CACNA2D3: variants seen among roughly 807,000 people sequenced by gnomAD.
The protein encoded by CACNA2D3 is voltage-dependent calcium channel subunit alpha-2/delta-3.
In CACNA2D3, 60 loss-of-function variants were observed where a neutral mutation model predicts 160.6. The ratio of observed to expected loss-of-function variants is 0.37; its 90% CI spans 0.30 to 0.46. The LOEUF (loss-of-function observed/expected upper bound fraction) is 0.46. Among genes scored for constraint, CACNA2D3 ranks in the 20% least tolerant of loss-of-function variants. The pLI, the probability that CACNA2D3 is intolerant of heterozygous loss-of-function variation, is 1.00. For missense variants in CACNA2D3, 1,205 were observed against 1,365.0 expected, an observed-to-expected ratio of 0.88 and a Z score of 1.85; for synonymous variants, 558 against 492.9, an observed-to-expected ratio of 1.13 and a Z score of -1.75.
chr3:54,503,562 A>C lies in CACNA2D3; in HGVS notation c.452A>C (p.Glu151Ala). The C allele has an allele frequency of 6.2e-7, 1 of 1,613,606 alleles. No homozygotes were observed. The highest frequency in any genetic ancestry group is 8.5e-7 in the Non-Finnish European group (1 of 1,179,532). The change falls in exon 5 of 38, where the codon GAA becomes GCA. Residue 151 changes from glutamate (E) to alanine (A), a missense_variant. Coordinates refer to ENST00000474759, the MANE Select transcript of CACNA2D3 (RefSeq NM_018398.3). ...GGGAATTTTTTGGAGCTGGGAAAGG[A>C]ATTCATCTTAGCCCCAAATGACCAT... Reference protein sequence around the residue: ...KDGNFLELGKEFILAPNDHFN... With the variant: ...KDGNFLELGKAFILAPNDHFN...
chr3:54,541,518 T>C (rs1701978712), intron 5 of CACNA2D3, among the ~76,000 whole-genome samples: 1 of 152,138 alleles, frequency 6.6e-6, no homozygotes, highest in African/African-American at 2.4e-5. Context: ...TCCAGGCTTC[T>C]GGCCTCCAGA....
chr3:54,153,513 GA>G (rs1700188079), intron 2 of CACNA2D3, among the ~76,000 whole-genome samples: 1 of 152,338 alleles, frequency 6.6e-6, no homozygotes, highest in South Asian at 2.1e-4. Flanking sequence ...TATTGTTTAT[GA>G]AGGTTGAAAA....
intron 14 of CACNA2D3, among the ~76,000 whole-genome samples, chr3:54,827,720 C>T (rs547223381): frequency 1.8e-4 from 27 of 152,238 alleles, no homozygotes; most frequent in African/African-American, 6.3e-4. Flanking sequence ...AGCACTAGCC[C>T]CAGAGTCTTG....
chr3:54,594,386 C>T (rs974236202), intron 9 of CACNA2D3, among the ~76,000 whole-genome samples: 7 of 152,128 alleles, frequency 4.6e-5, no homozygotes, highest in African/African-American at 1.7e-4. Context: ...TTTCCAATCC[C>T]TGGTCTAGAC....
At chr3:54,453,465 G>A (rs1252637521) in intron 4 of CACNA2D3, among the ~76,000 whole-genome samples, 1 of 151,970 alleles carries the variant, frequency 6.6e-6, no homozygotes, top group Non-Finnish European at 1.5e-5. Context: ...AATTCGACCT[G>A]AAACACCATC....
intron 4 of CACNA2D3, among the ~76,000 whole-genome samples, chr3:54,458,793 T>G (rs1276035538): frequency 7.4e-5 from 2 of 26,898 alleles, no homozygotes; most frequent in Non-Finnish European, 1.5e-4. Context: ...TATTATACTC[T>G]TAAGTTTTAG....
Position 55,074,263 on chromosome 3 carries a change from G to A in CACNA2D3, c.*57G>A. ...ATGTTCTCTTGGCATGCTAAATCATGGATAAACTGTGAACCAAAATATGGT... is the reference window on the plus strand; with the variant it reads ...ATGTTCTCTTGGCATGCTAAATCATAGATAAACTGTGAACCAAAATATGGT... On this transcript the variant is annotated 3_prime_UTR_variant, in exon 38 of 38. Transcript: ENST00000474759. The A allele has an allele frequency of 7.0e-7, 1 of 1,435,160 alleles. No individual in the cohort carries two copies. The highest frequency in any genetic ancestry group is 2.3e-5 in the East Asian group (1 of 44,084). The allele number at this position is 1,435,160 out of a possible 1,614,324, so 88.9% of individuals were successfully genotyped here.
At chr3:55,023,342 AT>A (rs1703500403) in intron 35 of CACNA2D3, among the ~76,000 whole-genome samples, 1 of 152,164 alleles carries the variant, frequency 6.6e-6, no homozygotes, top group African/African-American at 2.4e-5. Flanking sequence ...TTAAACTCAT[AT>A]TCCAGTTCAC....
chr3:55,028,075 A>G (rs760496347), intron 35 of CACNA2D3, among the ~76,000 whole-genome samples: 1 of 152,322 alleles, frequency 6.6e-6, no homozygotes, highest in African/African-American at 2.4e-5. Flanking sequence ...GAAGTCTTTG[A>G]AGAACAAAGT....
At chr3:54,822,783 TTTCTTTCCTTTCTTTCTTTCTTTCTTTC>T (rs1703649433) in intron 14 of CACNA2D3, among the ~76,000 whole-genome samples, 1 of 82,446 alleles carries the variant, frequency 1.2e-5, no homozygotes, top group African/African-American at 4.7e-5. Context: ...TCTTTCTTTC[TTTCTTTCCTTTCTTTCTTTCTTTCTTTC>T]TTTCTTTCTT....
intron 2 of CACNA2D3, among the ~76,000 whole-genome samples, chr3:54,314,160 G>A (rs1212245119): frequency 1.3e-5 from 2 of 152,108 alleles, no homozygotes; most frequent in Non-Finnish European, 1.5e-5. Flanking sequence ...ATGATGTTTG[G>A]TTTTCTATTC....
At chr3:54,811,753 G>A (rs906794179) in intron 13 of CACNA2D3, among the ~76,000 whole-genome samples, 1 of 151,794 alleles carries the variant, frequency 6.6e-6, no homozygotes. Context: ...TGCTCACCTC[G>A]GCCTCCCAAA....
chr3:54,362,303 T>C (rs949040512), intron 3 of CACNA2D3, among the ~76,000 whole-genome samples: 1 of 152,172 alleles, frequency 6.6e-6, no homozygotes, highest in Non-Finnish European at 1.5e-5. Context: ...GTTGAGGTCA[T>C]AGGACTGGGG....
intron 31 of CACNA2D3, among the ~76,000 whole-genome samples, chr3:54,990,376 C>A (rs1702712478): frequency 6.6e-6 from 1 of 152,130 alleles, no homozygotes; most frequent in Non-Finnish European, 1.5e-5. Flanking sequence ...ACTAAAGATA[C>A]AAAAATTAGC....
chr3:54,855,662 C>A (rs546092190), intron 17 of CACNA2D3, among the ~76,000 whole-genome samples: 1 of 152,268 alleles, frequency 6.6e-6, no homozygotes, highest in East Asian at 1.9e-4. Flanking sequence ...GAATGAGAGA[C>A]CCTCTGTCCT....
chr3:54,351,935 CAG>C (rs1698572302), intron 3 of CACNA2D3, among the ~76,000 whole-genome samples: 1 of 152,230 alleles, frequency 6.6e-6, no homozygotes, highest in Non-Finnish European at 1.5e-5. Flanking sequence ...ACCTCCTCTG[CAG>C]AGTCTGATTT....
chr3:54,870,073 G>A (rs1315357433), intron 17 of CACNA2D3, among the ~76,000 whole-genome samples: 1 of 152,112 alleles, frequency 6.6e-6, no homozygotes, highest in Non-Finnish European at 1.5e-5. Context: ...GGTGAGGAGG[G>A]GGAGTCTCCA....
At chr3:54,749,555 G>A (rs1701818873) in intron 11 of CACNA2D3, among the ~76,000 whole-genome samples, 1 of 151,850 alleles carries the variant, frequency 6.6e-6, no homozygotes, top group African/African-American at 2.4e-5. Flanking sequence ...TGGAATTACT[G>A]TGTGAAAAAA....
chr3:54,614,124 T>C (rs1698801390), intron 9 of CACNA2D3, among the ~76,000 whole-genome samples: 1 of 152,176 alleles, frequency 6.6e-6, no homozygotes, highest in African/African-American at 2.4e-5. Flanking sequence ...CAATGAATGC[T>C]GCAAGGATAT....
Sources: allele counts gnomAD v4.1 joint callset (sites outside exome capture counted in the v4.1 genomes callset), GRCh38; gene constraint gnomAD v4.1.1; transcripts MANE v1.5; gene names NCBI Gene and HGNC (gene_info 2026-07-23, HGNC 2026-07-21).